The following SLC24A3 variants were observed in gnomAD, a reference collection of about 807,000 sequenced individuals.
SLC24A3 encodes solute carrier family 24 member 3, also known as sodium/potassium/calcium exchanger 3.
Under a neutral mutation model 75.8 loss-of-function variants are expected in SLC24A3, and 28 were observed. The ratio of observed to expected loss-of-function variants is 0.37; its 90% CI spans 0.27 to 0.51. The LOEUF is 0.51. SLC24A3 is among the 20% of genes least tolerant of loss of function. The pLI is 0.94. For missense variants in SLC24A3, 663 were observed against 847.8 expected (o/e 0.78, Z 2.71); for synonymous variants, 372 against 334.1 (o/e 1.11, Z -1.24).
intron 6 of SLC24A3, among the ~76,000 whole-genome samples, chr20:19,631,090 T>C (rs1252808168): frequency 6.6e-6 from 1 of 152,200 alleles, no homozygotes; most frequent in Non-Finnish European, 1.5e-5. Flanking sequence ...ATGCCTGTAA[T>C]TGTAGCACTT....
chr20:19,294,702 T>C (rs967425124), intron 2 of SLC24A3, among the ~76,000 whole-genome samples: 8 of 152,238 alleles, frequency 5.3e-5, no homozygotes, highest in Non-Finnish European at 1.0e-4. Flanking sequence ...GGCATTTGGA[T>C]TGATTCCATG....
intron 7 of SLC24A3, among the ~76,000 whole-genome samples, chr20:19,662,063 G>A (rs935652378): frequency 1.3e-5 from 2 of 152,274 alleles, no homozygotes; most frequent in East Asian, 1.9e-4. Context: ...AGCAGAACAC[G>A]TGGAAACCTC....
intron 2 of SLC24A3, among the ~76,000 whole-genome samples, chr20:19,300,421 C>T (rs1024151859): frequency 6.6e-6 from 1 of 152,160 alleles, no homozygotes; most frequent in African/African-American, 2.4e-5. Flanking sequence ...TCCTAGGTGA[C>T]CCCATCCTCA....
At chr20:19,715,738 C>A (rs986401023) in intron 15 of SLC24A3, among the ~76,000 whole-genome samples, 1 of 152,148 alleles carries the variant, frequency 6.6e-6, no homozygotes. Flanking sequence ...CCAAGAGGTA[C>A]CTTAAACCCT....
intron 2 of SLC24A3, among the ~76,000 whole-genome samples, chr20:19,444,348 T>G (rs1008201412): frequency 2.6e-5 from 4 of 152,218 alleles, no homozygotes; most frequent in African/African-American, 9.6e-5. Flanking sequence ...CCTTAGAGAA[T>G]GGGTTAGGAA....
intron 2 of SLC24A3, among the ~76,000 whole-genome samples, chr20:19,441,306 A>G (rs913437087): frequency 6.6e-6 from 1 of 152,278 alleles, no homozygotes; most frequent in East Asian, 1.9e-4. Context: ...TTGACACCTC[A>G]TAGCCACACA....
At chr20:19,449,453 G>A (rs1396461416) in intron 2 of SLC24A3, among the ~76,000 whole-genome samples, 1 of 152,238 alleles carries the variant, frequency 6.6e-6, no homozygotes, top group Non-Finnish European at 1.5e-5. Flanking sequence ...CAACCTGACA[G>A]AGTCCTAGGC....
At chr20:19,449,372 G>T (rs1476233948) in intron 2 of SLC24A3, among the ~76,000 whole-genome samples, 1 of 152,238 alleles carries the variant, frequency 6.6e-6, no homozygotes, top group East Asian at 1.9e-4. Context: ...CAGCCACAGT[G>T]AAATAAAGGG....
intron 15 of SLC24A3, among the ~76,000 whole-genome samples, chr20:19,698,934 G>A (rs1192689052): frequency 6.6e-6 from 1 of 152,036 alleles, no homozygotes; most frequent in Non-Finnish European, 1.5e-5. Context: ...TGGGCCAGAG[G>A]ATGTTTATAC....
chr20:19,275,189 G>T (rs1393668825), intron 1 of SLC24A3, among the ~76,000 whole-genome samples: 1 of 152,152 alleles, frequency 6.6e-6, no homozygotes, highest in Non-Finnish European at 1.5e-5. Flanking sequence ...TGCCCCTAAG[G>T]CCACTTCCCT....
intron 6 of SLC24A3, among the ~76,000 whole-genome samples, chr20:19,648,090 T>G (rs1157841496): frequency 1.3e-5 from 2 of 152,220 alleles, no homozygotes; most frequent in African/African-American, 2.4e-5. Context: ...TGTATTTCAG[T>G]GATTTTTCCC....
intron 2 of SLC24A3, among the ~76,000 whole-genome samples, chr20:19,302,767 T>C (rs1023445709): frequency 1.3e-5 from 2 of 152,368 alleles, no homozygotes; most frequent in Admixed American, 1.3e-4. Context: ...TCTATGTGTA[T>C]ACTCTACTTC....
chr20:19,667,914 C>A (rs6106115), intron 8 of SLC24A3, among the ~76,000 whole-genome samples: 9,186 of 152,268 alleles, frequency 0.06, 315 homozygotes, highest in Middle Eastern at 0.12. Context: ...AGGTACAAGT[C>A]ATCAGAGCCC....
intron 6 of SLC24A3, among the ~76,000 whole-genome samples, chr20:19,605,183 C>T (rs1259919830): frequency 6.6e-6 from 1 of 152,206 alleles, no homozygotes; most frequent in East Asian, 1.9e-4. Context: ...GGTCAAAGAT[C>T]AAGCAAAGAG....
rs370786609 is a variant in SLC24A3, at chr20:19,471,817, T to C, written c.272-43671T>C. 2.2e-4 allele frequency among the ~76,000 whole-genome samples: 34 copies of C among 152,326 alleles called. 1 individual carries two copies. The South Asian group carries it at 7.0e-3, about 32-fold the overall frequency. On this transcript the variant is annotated intron_variant, in intron 2 of 16. Coordinates refer to ENST00000328041, the MANE Select transcript of SLC24A3 (RefSeq NM_020689.4). ...TTTTTTAATTAAAAAGAAAAAGTTT[T>C]AACTGAATGGAGGCAGCCAATTTGT... is the stretch of plus-strand genomic sequence containing the variant.
rs139676516 is a variant in SLC24A3 at position 19,436,676 on chromosome 20, C to T, written c.272-78812C>T. ...TCACAGGCAGCCGGGTCCAGGGTCA[C>T]CACTACACCTGGACCCAATCTTTAC... On this transcript the variant is annotated intron_variant, in intron 2 of 16. Coordinates refer to ENST00000328041, the MANE Select transcript of SLC24A3 (RefSeq NM_020689.4). Among the ~76,000 whole-genome samples, 800 of 152,302 alleles carry T rather than the reference C, an allele frequency of 5.3e-3. 4 individuals carry two copies. The highest frequency in any genetic ancestry group is 0.018 in the African/African-American group (767 of 41,558).
At position 19,612,696 on chromosome 20, in the gene SLC24A3, C is replaced by T. The variant is rs182421262; in HGVS notation, c.612+27152C>T. ...AATCTGACCACTGTGATCACCCCCC[C>T]TCTGCTGCCATCTGGCTCAGCTGCC... On this transcript the variant is annotated intron_variant, in intron 6 of 16. Transcript: ENST00000328041. Among the ~76,000 whole-genome samples, 11 of 151,998 alleles carry T rather than the reference C, an allele frequency of 7.2e-5. No individual in the cohort carries two copies. The East Asian group carries it at 1.7e-3, about 24-fold the overall frequency.
intron 3 of SLC24A3, among the ~76,000 whole-genome samples, chr20:19,570,540 A>T (rs1354533091): frequency 2.0e-5 from 3 of 151,996 alleles, no homozygotes; most frequent in African/African-American, 7.3e-5. Context: ...GATGCTAGGG[A>T]CCCCCATTTT....
At chr20:19,426,030 T>C (rs1986999705) in intron 2 of SLC24A3, among the ~76,000 whole-genome samples, 1 of 152,196 alleles carries the variant, frequency 6.6e-6, no homozygotes, top group Non-Finnish European at 1.5e-5. Context: ...CCCAGGTCCA[T>C]GTGCTAACTG....
Sources: gnomAD v4.1 joint callset for allele counts (sites outside exome capture counted in the v4.1 genomes callset) on GRCh38, gnomAD v4.1.1 for gene constraint, MANE v1.5 for transcripts, NCBI Gene and HGNC (gene_info 2026-07-23, HGNC 2026-07-21) for gene names.